GHR: variants seen among roughly 807,000 people sequenced by gnomAD.
GHR encodes the protein GH receptor.
A neutral mutation model predicts 67.1 loss-of-function variants in GHR; 35 were observed. The ratio of observed to expected loss-of-function variants is 0.52; its 90% CI spans 0.40 to 0.69. The LOEUF is 0.69. GHR is among the 30% of genes least tolerant of loss of function. GHR has a pLI of 0.00. For missense variants in GHR, 792 were observed against 764.6 expected (o/e 1.04, Z -0.42); for synonymous variants, 272 against 269.1 (o/e 1.01, Z -0.10).
At chr5:42,661,754 A>G (rs1755640596) in intron 3 of GHR, among the ~76,000 whole-genome samples, 1 of 152,178 alleles carries the variant, frequency 6.6e-6, no homozygotes, top group Non-Finnish European at 1.5e-5. Flanking sequence ...ACACATAACA[A>G]TATTAACTTT....
At chr5:42,454,203 G>A (rs1744165478) in intron 1 of GHR, among the ~76,000 whole-genome samples, 1 of 152,216 alleles carries the variant, frequency 6.6e-6, no homozygotes, top group Non-Finnish European at 1.5e-5. Flanking sequence ...GGAGGTGACA[G>A]GATAGGGATG....
At chr5:42,556,444 G>A (rs1749314045) in intron 1 of GHR, among the ~76,000 whole-genome samples, 1 of 151,964 alleles carries the variant, frequency 6.6e-6, no homozygotes, top group African/African-American at 2.4e-5. Context: ...CTTTAAATTT[G>A]TTTAAGGAAC....
intron 3 of GHR, among the ~76,000 whole-genome samples, chr5:42,667,550 C>G (rs1756052924): frequency 6.6e-6 from 1 of 152,174 alleles, no homozygotes; most frequent in Non-Finnish European, 1.5e-5. Flanking sequence ...TCACCCCAAT[C>G]TAATTAAATT....
intron 3 of GHR, among the ~76,000 whole-genome samples, chr5:42,668,839 A>G (rs888325965): frequency 6.6e-6 from 1 of 152,186 alleles, no homozygotes; most frequent in Admixed American, 6.6e-5. Flanking sequence ...TTAAAAAATC[A>G]TAAGTTAGAA....
At chr5:42,718,387 T>C in intron 9 of GHR, 66 bp from the exon 10 acceptor site, 1 of 1,175,302 alleles carries the variant, frequency 8.5e-7, no homozygotes, top group Non-Finnish European at 1.3e-6. Flanking sequence ...CTGAACATTA[T>C]TTGCTAATTC....
At chr5:42,512,302 C>A (rs1048820390) in intron 1 of GHR, among the ~76,000 whole-genome samples, 4 of 151,650 alleles carry the variant, frequency 2.6e-5, no homozygotes, top group Non-Finnish European at 5.9e-5. Flanking sequence ...TATTCAAAGA[C>A]ACAAAGAAGT....
At chr5:42,460,726 A>C (rs547179541) in intron 1 of GHR, among the ~76,000 whole-genome samples, 1 of 152,332 alleles carries the variant, frequency 6.6e-6, no homozygotes, top group South Asian at 2.1e-4. Flanking sequence ...CCTAATAGTT[A>C]ATAGTTGGTA....
chr5:42,473,887 A>G (rs971533027), intron 1 of GHR, among the ~76,000 whole-genome samples: 1 of 151,258 alleles, frequency 6.6e-6, no homozygotes, highest in Non-Finnish European at 1.5e-5. Context: ...AAAAAAAAAA[A>G]AAAGAAAAGT....
chr5:42,515,902 C>T (rs1747216175), intron 1 of GHR, among the ~76,000 whole-genome samples: 2 of 152,170 alleles, frequency 1.3e-5, no homozygotes, highest in Admixed American at 6.5e-5. Context: ...TTTGCTCCAT[C>T]AAGTTGTTTG....
intron 1 of GHR, among the ~76,000 whole-genome samples, chr5:42,555,305 G>A (rs1028467544): frequency 6.6e-6 from 1 of 152,180 alleles, no homozygotes; most frequent in Admixed American, 6.5e-5. Context: ...TGAAGAAACT[G>A]CCATGTCAGC....
intron 2 of GHR, among the ~76,000 whole-genome samples, chr5:42,586,921 G>T (rs956685534): frequency 6.6e-6 from 1 of 152,062 alleles, no homozygotes; most frequent in Non-Finnish European, 1.5e-5. Context: ...ACATGAAAAG[G>T]GAAAGGGGAT....
intron 2 of GHR, among the ~76,000 whole-genome samples, chr5:42,578,694 T>A (rs1182091861): frequency 6.6e-6 from 1 of 152,124 alleles, no homozygotes. Flanking sequence ...ATTCATGTAG[T>A]TTTTAAATCT....
intron 2 of GHR, among the ~76,000 whole-genome samples, chr5:42,580,784 G>T (rs182292072): frequency 6.6e-6 from 1 of 152,314 alleles, no homozygotes; most frequent in Admixed American, 6.5e-5. Flanking sequence ...TTGAAAATCT[G>T]TTTGAAACAT....
intron 1 of GHR, among the ~76,000 whole-genome samples, chr5:42,563,257 A>C (rs1749718164): frequency 1.3e-5 from 2 of 152,216 alleles, no homozygotes; most frequent in Admixed American, 1.3e-4. Context: ...ACCTGACACT[A>C]AGTGTCTTGG....
chr5:42,437,382 C>T (rs779708467), intron 1 of GHR, among the ~76,000 whole-genome samples: 5 of 152,106 alleles, frequency 3.3e-5, no homozygotes, highest in Non-Finnish European at 7.4e-5. Context: ...CACCAAGCCT[C>T]AGGGACTATT....
At chr5:42,658,355 A>G (rs1385846581) in intron 3 of GHR, among the ~76,000 whole-genome samples, 1 of 152,224 alleles carries the variant, frequency 6.6e-6, no homozygotes, top group African/African-American at 2.4e-5. Flanking sequence ...GCTAAAAATT[A>G]TCTAACTTTC....
At chr5:42,503,657 C>G (rs148481470) in intron 1 of GHR, among the ~76,000 whole-genome samples, 5,172 of 152,124 alleles carry the variant, frequency 0.034, 126 homozygotes, top group Non-Finnish European at 0.048. Flanking sequence ...CACCTCTAAA[C>G]AAATATATAT....
At chr5:42,549,318 T>C (rs1218429812) in intron 1 of GHR, among the ~76,000 whole-genome samples, 1 of 152,210 alleles carries the variant, frequency 6.6e-6, no homozygotes, top group Admixed American at 6.5e-5. Flanking sequence ...GAAAACCGTG[T>C]CCATGGGCCT....
chr5:42,549,755 G>T (rs532058285), intron 1 of GHR: 24 of 689,666 alleles, frequency 3.5e-5, no homozygotes, highest in Non-Finnish European at 4.3e-5. Flanking sequence ...AAAAGTACTG[G>T]GGGGTTTGAA....
Sources: gnomAD v4.1 joint callset for allele counts (sites outside exome capture counted in the v4.1 genomes callset) on GRCh38, gnomAD v4.1.1 for gene constraint, MANE v1.5 for transcripts, NCBI Gene and HGNC (gene_info 2026-07-23, HGNC 2026-07-21) for gene names.